Variants in YWHAE observed in about 807,000 individuals in gnomAD.
YWHAE encodes the protein tyrosine 3-monooxygenase/tryptophan 5-monooxygenase activation protein epsilon, also known as 14-3-3 protein epsilon.
YWHAE carries 4 observed loss-of-function variants against 30.1 expected under a neutral mutation model. The ratio of observed to expected loss-of-function variants is 0.13; its 90% CI spans 0.07 to 0.30. YWHAE has a LOEUF of 0.30. YWHAE is among the 10% of genes least tolerant of loss of function. The pLI is 1.00. For missense variants in YWHAE, 121 were observed against 315.9 expected, an observed-to-expected ratio of 0.38 and a Z score of 4.68; for synonymous variants, 118 against 111.8, an observed-to-expected ratio of 1.06 and a Z score of -0.35.
chr17:1,353,671 G>A (rs2072679158), intron 5 of YWHAE, among the ~76,000 whole-genome samples: 1 of 151,944 alleles, frequency 6.6e-6, no homozygotes, highest in East Asian at 1.9e-4. Flanking sequence ...AGCTGAGGCA[G>A]GAGAATCGCT....
chr17:1,388,117 G>GTTTTTT (rs1491196737), intron 1 of YWHAE, among the ~76,000 whole-genome samples: 28 of 65,102 alleles, frequency 4.3e-4, no homozygotes, highest in African/African-American at 1.6e-3. Context: ...TTTTTTGGTT[G>GTTTTTT]GTTTTTTTTT....
At chr17:1,377,214 C>T (rs2073140058) in intron 1 of YWHAE, among the ~76,000 whole-genome samples, 1 of 152,052 alleles carries the variant, frequency 6.6e-6, no homozygotes, top group South Asian at 2.1e-4. Flanking sequence ...ACACCCGGCC[C>T]TAATCCTGAT....
At chr17:1,395,728 A>C (rs762897468) in intron 1 of YWHAE, among the ~76,000 whole-genome samples, 15 of 152,196 alleles carry the variant, frequency 9.9e-5, no homozygotes, top group Non-Finnish European at 1.6e-4. Flanking sequence ...TTTCCTAACA[A>C]GACCGTAGTA....
At chr17:1,396,730 A>G (rs2073477997) in intron 1 of YWHAE, among the ~76,000 whole-genome samples, 1 of 152,060 alleles carries the variant, frequency 6.6e-6, no homozygotes, top group African/African-American at 2.4e-5. Context: ...GGTTCAAGTG[A>G]TTCTCCTGCC....
At chr17:1,373,243 C>CA (rs935025591) in intron 1 of YWHAE, among the ~76,000 whole-genome samples, 13 of 151,986 alleles carry the variant, frequency 8.6e-5, no homozygotes, top group South Asian at 4.2e-4. Context: ...AACTCAGTCT[C>CA]AAAAAACAAG....
chr17:1,366,397 G>A (rs768399709), intron 1 of YWHAE, among the ~76,000 whole-genome samples: 17 of 151,766 alleles, frequency 1.1e-4, no homozygotes, highest in African/African-American at 1.5e-4. Flanking sequence ...AATTAGCTGC[G>A]TTTGGTGGTG....
chr17:1,348,960 A>G (rs1598221115), intron 5 of YWHAE, among the ~76,000 whole-genome samples: 2 of 151,586 alleles, frequency 1.3e-5, no homozygotes, highest in East Asian at 3.9e-4. Flanking sequence ...CGGGAGGCGG[A>G]GTTTGCAGTG....
chr17:1,373,822 G>A (rs1001102695), intron 1 of YWHAE, among the ~76,000 whole-genome samples: 5 of 152,154 alleles, frequency 3.3e-5, no homozygotes, highest in African/African-American at 1.2e-4. Context: ...TGTAGTATCT[G>A]TGAAGCACAA....
rs556405832 is a variant in YWHAE at position 1,384,033 on chromosome 17, A to G, written c.64+16014T>C. On this transcript the variant is annotated intron_variant, in intron 1 of 5. Coordinates refer to ENST00000264335, the MANE Select transcript of YWHAE (RefSeq NM_006761.5). ...AACCTGGCCAACATGGTGAAACCCCATTTCTACTAAAAATACAAAACAATT... is the reference window on the plus strand; with the variant it reads ...AACCTGGCCAACATGGTGAAACCCCGTTTCTACTAAAAATACAAAACAATT... Among the ~76,000 whole-genome samples the G allele has an allele frequency of 3.5e-3, 537 of 151,860 alleles. 1 individual carries two copies. The highest frequency in any genetic ancestry group is 0.01 in the Middle Eastern group (3 of 292).
intron 1 of YWHAE, among the ~76,000 whole-genome samples, chr17:1,388,297 G>A (rs1310670963): frequency 2.7e-5 from 4 of 150,448 alleles, no homozygotes; most frequent in African/African-American, 4.9e-5. Context: ...TGGGCGGATC[G>A]TGAGATCAGG....
At position 1,390,067 on chromosome 17, in the gene YWHAE, C is replaced by T. The variant is rs561280128; in HGVS notation, c.64+9980G>A. ...CCATGTTGGTCAGGCTGGTCTTGAACTCCCGACCTCAGGTGATCCGCCCAA... is the reference window on the plus strand; with the variant it reads ...CCATGTTGGTCAGGCTGGTCTTGAATTCCCGACCTCAGGTGATCCGCCCAA... On this transcript the variant is annotated intron_variant, in intron 1 of 5. Coordinates refer to ENST00000264335, the MANE Select transcript of YWHAE (RefSeq NM_006761.5). Among the ~76,000 whole-genome samples, 6 of 152,142 alleles carry T rather than the reference C, an allele frequency of 3.9e-5. No homozygotes were observed. The East Asian group carries it at 1.2e-3, about 29-fold the overall frequency.
intron 5 of YWHAE, among the ~76,000 whole-genome samples, chr17:1,346,094 T>G (rs566187281): frequency 2.0e-5 from 3 of 152,234 alleles, no homozygotes; most frequent in Middle Eastern, 6.8e-3. Flanking sequence ...TCAAAGTAAA[T>G]CAGACCACTG....
At chr17:1,353,124 G>A (rs532548931) in intron 5 of YWHAE, among the ~76,000 whole-genome samples, 2 of 152,108 alleles carry the variant, frequency 1.3e-5, no homozygotes, top group East Asian at 3.9e-4. Context: ...ACTCTGAAGC[G>A]TTTGCAATGA....
chr17:1,394,436 C>CAAAAAAAAAAAAAAAAAAAAAAAAAA (rs544115909), intron 1 of YWHAE, among the ~76,000 whole-genome samples: 6 of 58,548 alleles, frequency 1.0e-4, no homozygotes, highest in African/African-American at 4.4e-4. Flanking sequence ...CTCAAATCCA[C>CAAAAAAAAAAAAAAAAAAAAAAAAAA]AAAAAAAAAA....
chr17:1,358,302 T>G (rs58276296), intron 4 of YWHAE, among the ~76,000 whole-genome samples: 4 of 152,008 alleles, frequency 2.6e-5, no homozygotes, highest in African/African-American at 9.7e-5. Context: ...TGCAGTGGCG[T>G]GATCTTGGCT....
In YWHAE at chr17:1,348,047, G is replaced by A. The variant is rs1043584505; in HGVS notation, c.716-2548C>T. 4 of 959,640 alleles carry A rather than the reference G, an allele frequency of 4.2e-6. No individual in the cohort carries two copies. The African/African-American group carries it at 7.0e-5, about 17-fold the overall frequency. 59.4% of individuals were successfully genotyped at this position (959,640 alleles called of 1,614,324 possible). A position where few individuals can be genotyped will look rare whatever the true frequency, so the allele number is the denominator to read the frequency against. ...AAAAAGGGAGGGAGAACAATCATAT[G>A]AAAGCAACATTACAAGAAAAATAAA... is the stretch of plus-strand genomic sequence containing the variant. On this transcript the variant is annotated intron_variant, in intron 5 of 5. Coordinates refer to ENST00000264335, the MANE Select transcript of YWHAE (RefSeq NM_006761.5).
rs928392243 is a variant in YWHAE, at chr17:1,400,197, C to A, written c.-87G>T. The A allele has an allele frequency of 4.6e-6, 7 of 1,530,316 alleles. No homozygotes were observed. The highest frequency in any genetic ancestry group is 2.3e-5 in the East Asian group (1 of 44,294). The allele number at this position is 1,530,316 out of a possible 1,614,324, so 94.8% of individuals were successfully genotyped here. Reference sequence around the variant, plus strand: ...CTCAGCCTCTCGCTCCGCGTCCGGGCAGCAAAAATGGCGGCGCCTCAATCC... The same window carrying A: ...CTCAGCCTCTCGCTCCGCGTCCGGGAAGCAAAAATGGCGGCGCCTCAATCC... On this transcript the variant is annotated 5_prime_UTR_variant, in exon 1 of 6. Transcript: ENST00000264335.
intron 1 of YWHAE, chr17:1,398,786 G>A (rs2150883645): frequency 6.6e-6 from 1 of 152,296 alleles, no homozygotes; most frequent in South Asian, 2.1e-4. Flanking sequence ...TGACTGGACA[G>A]ACACAATGGA....
intron 5 of YWHAE, among the ~76,000 whole-genome samples, 163 bp from the exon 6 acceptor site, chr17:1,345,662 A>G (rs554754611): frequency 2.6e-5 from 4 of 152,334 alleles, no homozygotes; most frequent in Non-Finnish European, 4.4e-5. Context: ...TGAGATGCCT[A>G]AGCCAAGAAG....
Sources: allele counts gnomAD v4.1 joint callset (sites outside exome capture counted in the v4.1 genomes callset), GRCh38; gene constraint gnomAD v4.1.1; transcripts MANE v1.5; gene names NCBI Gene and HGNC (gene_info 2026-07-23, HGNC 2026-07-21).